RBFOX1: variants seen among roughly 807,000 people sequenced by gnomAD.
RBFOX1 encodes RNA binding protein fox-1 homolog 1.
Under a neutral mutation model 57.7 loss-of-function variants are expected in RBFOX1, and 8 were observed. The ratio of observed to expected loss-of-function variants is 0.14; its 90% CI spans 0.08 to 0.25. The LOEUF (loss-of-function observed/expected upper bound fraction) is 0.25, where lower values mean the gene tolerates loss of function less well. Ranked by LOEUF, RBFOX1 falls within the 10% of genes least tolerant of loss-of-function variation. The pLI, the probability that RBFOX1 is intolerant of heterozygous loss-of-function variation, is 1.00. For synonymous variants in RBFOX1, 326 were observed against 222.4 expected (o/e 1.47, Z -4.15); for missense variants, 611 against 548.5 (o/e 1.11, Z -1.14).
chr16:7,237,900 A>C (rs2093852225), intron 4 of RBFOX1, among the ~76,000 whole-genome samples: 1 of 152,218 alleles, frequency 6.6e-6, no homozygotes, highest in Non-Finnish European at 1.5e-5. Flanking sequence ...GCTACTCAGG[A>C]GGCTGAAGCA....
At chr16:7,041,879 C>T (rs1046558582) in intron 3 of RBFOX1, among the ~76,000 whole-genome samples, 2 of 151,962 alleles carry the variant, frequency 1.3e-5, no homozygotes, top group Non-Finnish European at 2.9e-5. Flanking sequence ...ATAGATTATG[C>T]TCACAATAAA....
chr16:7,301,649 A>G (rs1205359470), intron 4 of RBFOX1, among the ~76,000 whole-genome samples: 2 of 152,148 alleles, frequency 1.3e-5, no homozygotes, highest in African/African-American at 2.4e-5. Flanking sequence ...TTAAAGTGCC[A>G]TGTATTATGT....
chr16:6,555,443 T>C (rs1367999689), intron 2 of RBFOX1, among the ~76,000 whole-genome samples: 1 of 152,148 alleles, frequency 6.6e-6, no homozygotes, highest in African/African-American at 2.4e-5. Flanking sequence ...CTCACACCTG[T>C]AATCCCAGCA....
intron 1 of RBFOX1, among the ~76,000 whole-genome samples, chr16:5,417,561 T>G: frequency 6.6e-6 from 1 of 152,048 alleles, no homozygotes; most frequent in Non-Finnish European, 1.5e-5. Flanking sequence ...ACCCCTGGCT[T>G]AAGAGAAGGA....
intron 3 of RBFOX1, among the ~76,000 whole-genome samples, chr16:6,897,681 C>T (rs868269847): frequency 1.3e-5 from 2 of 151,526 alleles, no homozygotes; most frequent in African/African-American, 2.4e-5. Flanking sequence ...TAATCACAGC[C>T]AGTTGGGAGC....
intron 3 of RBFOX1, among the ~76,000 whole-genome samples, chr16:6,963,087 C>G (rs187580692): frequency 1.2e-3 from 178 of 152,192 alleles, no homozygotes; most frequent in African/African-American, 4.1e-3. Context: ...CCCACCTTCC[C>G]TCTCCTTTAC....
At chr16:6,346,856 A>G (rs1414321733) in intron 2 of RBFOX1, among the ~76,000 whole-genome samples, 1 of 152,098 alleles carries the variant, frequency 6.6e-6, no homozygotes, top group Non-Finnish European at 1.5e-5. Context: ...TTGACAAGAC[A>G]GAGTTTTCTG....
intron 4 of RBFOX1, among the ~76,000 whole-genome samples, chr16:5,884,598 C>T (rs560102772): frequency 2.6e-4 from 40 of 152,130 alleles, no homozygotes; most frequent in East Asian, 9.7e-4. Context: ...CTTTTTCCAA[C>T]GTAGCCATAA....
At position 6,262,842 on chromosome 16, in the gene RBFOX1, C is replaced by G. The variant is rs146850619; in HGVS notation, c.-126-54153C>G. On this transcript the variant is annotated intron_variant, in intron 1 of 15. Transcript: ENST00000550418. ...TAAGTACCAGGGTCACAGTGGGCAA[C>G]AAGGCAGGCCATCTCACAACCCTCA... Among the ~76,000 whole-genome samples, 969 of 152,256 alleles carry G rather than the reference C, an allele frequency of 6.4e-3. 8 individuals carry two copies. Among genetic ancestry groups the G allele is most frequent in the Non-Finnish European group, 6.9e-3 (472 of 68,018 alleles).
chr16:6,283,857 T>C (rs1322805230), intron 1 of RBFOX1, among the ~76,000 whole-genome samples: 1 of 152,242 alleles, frequency 6.6e-6, no homozygotes, highest in African/African-American at 2.4e-5. Context: ...GCACTTTTAA[T>C]TTATTTTCTA....
chr16:6,717,409 A>G (rs1487567883), intron 3 of RBFOX1, among the ~76,000 whole-genome samples: 1 of 152,132 alleles, frequency 6.6e-6, no homozygotes, highest in East Asian at 1.9e-4. Flanking sequence ...TTTCTACTAC[A>G]GCATAAGAAA....
rs138454648 is a variant in RBFOX1 at position 6,091,605 on chromosome 16, G to A, written c.-127+71613G>A. Reference sequence around the variant, plus strand: ...AGGACTTTTGAAGGCTGAGGCAGGCGGATCACCTGAGGTCATGAGTTCGAG... The same window carrying A: ...AGGACTTTTGAAGGCTGAGGCAGGCAGATCACCTGAGGTCATGAGTTCGAG... On this transcript the variant is annotated intron_variant, in intron 1 of 15. Coordinates refer to ENST00000550418, the MANE Select transcript of RBFOX1 (RefSeq NM_018723.4). 4.1e-3 allele frequency among the ~76,000 whole-genome samples: 623 copies of A among 152,294 alleles called. 4 individuals are homozygous for A. Among genetic ancestry groups the A allele is most frequent in the Non-Finnish European group, 4.6e-3 (316 of 68,030 alleles).
At chr16:7,567,315 ATATATATC>A (rs1567865632) in intron 5 of RBFOX1, among the ~76,000 whole-genome samples, 1 of 110,290 alleles carries the variant, frequency 9.1e-6, no homozygotes, top group Admixed American at 1.0e-4. Flanking sequence ...ATATATATAT[ATATATATC>A]TCCCTATATA....
At chr16:6,952,625 A>C (rs1045266560) in intron 3 of RBFOX1, among the ~76,000 whole-genome samples, 7 of 152,034 alleles carry the variant, frequency 4.6e-5, no homozygotes, top group African/African-American at 1.7e-4. Context: ...GCAACAGAGC[A>C]AGACTCTGTC....
chr16:6,805,287 A>T (rs183793130), intron 3 of RBFOX1, among the ~76,000 whole-genome samples: 33 of 152,316 alleles, frequency 2.2e-4, no homozygotes, highest in African/African-American at 7.5e-4. Flanking sequence ...CTATGACAGG[A>T]ACAAAAAAAC....
chr16:7,565,281 G>A (rs373938882), intron 5 of RBFOX1, among the ~76,000 whole-genome samples: 12 of 151,926 alleles, frequency 7.9e-5, no homozygotes, highest in African/African-American at 2.9e-4. Flanking sequence ...TCCCCCGCCC[G>A]CCACCATCCT....
chr16:5,599,156 C>T (rs1363775982), exon 3 of RBFOX1: 4 of 709,884 alleles, frequency 5.6e-6, no homozygotes, highest in Non-Finnish European at 1.0e-5. Context: ...GGCCGTATTC[C>T]CAGCCTCTGG....
intron 5 of RBFOX1, among the ~76,000 whole-genome samples, chr16:7,523,450 C>A (rs545724356): frequency 4.2e-4 from 64 of 152,274 alleles, no homozygotes; most frequent in East Asian, 2.5e-3. Context: ...AGGAAGGATT[C>A]CTGAACTTGG....
chr16:6,789,572 C>G (rs371802440), intron 3 of RBFOX1, among the ~76,000 whole-genome samples: 1 of 152,124 alleles, frequency 6.6e-6, no homozygotes. Context: ...TTTTCTGTAT[C>G]CATAGACAGT....
Sources: gnomAD v4.1 joint callset for allele counts (sites outside exome capture counted in the v4.1 genomes callset) on GRCh38, gnomAD v4.1.1 for gene constraint, MANE v1.5 for transcripts, NCBI Gene and HGNC (gene_info 2026-07-23, HGNC 2026-07-21) for gene names.